Variants in HPS4 observed in about 807,000 individuals in gnomAD.
The protein encoded by HPS4 is HPS4 biogenesis of lysosomal organelles complex 3 subunit 2, also known as BLOC-3 complex member HPS4.
HPS4 carries 44 observed loss-of-function variants against 70.3 expected under a neutral mutation model. The ratio of observed to expected loss-of-function variants is 0.63; its 90% CI spans 0.49 to 0.80. The LOEUF (loss-of-function observed/expected upper bound fraction) is 0.80. Among genes scored for constraint, HPS4 ranks in the 30% least tolerant of loss-of-function variants. The probability of loss-of-function intolerance (pLI) is 0.00; values close to 1 mark genes in which losing one functional copy is unlikely to be tolerated. For synonymous variants in HPS4, 377 were observed against 355.9 expected (o/e 1.06, Z -0.67); for missense variants, 873 against 884.4 (o/e 0.99, Z 0.16).
At position 26,468,600 on chromosome 22, in the gene HPS4, G is replaced by A; in HGVS notation, c.620C>T (p.Pro207Leu). The A allele has an allele frequency of 6.2e-7, 1 of 1,614,130 alleles. No individual in the cohort carries two copies. The highest frequency in any genetic ancestry group is 1.1e-5 in the South Asian group (1 of 91,086). The change falls in exon 8 of 14, where the codon CCC becomes CTC. Residue 207 changes from proline (P) to leucine (L), a missense_variant. Pro to Leu is a moderately conservative substitution (Grantham distance 98). Transcript: ENST00000398145. ...KGLIVSTQLP[P>L]SLTAKVLLHR... ...AAGCAGGACCTTGGCGGTGAGGGAG[G>A]GCGGGAGTTGGGTGCTGACAATCCT...
At chr22:26,469,550 T>C (rs1348005253) in intron 7 of HPS4, among the ~76,000 whole-genome samples, 2 of 151,910 alleles carry the variant, frequency 1.3e-5, no homozygotes, top group East Asian at 1.9e-4. Flanking sequence ...AATGTATTCA[T>C]GTATTAGCCG....
At chr22:26,469,570 A>C (rs539727914) in intron 7 of HPS4, among the ~76,000 whole-genome samples, 1 of 152,050 alleles carries the variant, frequency 6.6e-6, no homozygotes, top group Non-Finnish European at 1.5e-5. Context: ...GTATAATGTA[A>C]ATACAGGCTG....
In HPS4 at chr22:26,464,503, T is replaced by C; in HGVS notation, c.1127A>G (p.Glu376Gly). Residue 376 changes from glutamate to glycine, a missense_variant, in exon 11 of 14, where the codon GAG (glutamate) becomes GGG (glycine). Physicochemically the swap from Glu to Gly is moderately conservative, Grantham distance 98. Transcript: ENST00000398145. The part of the protein sequence containing the change: ...ELDLSEIHIP[E>G]AQEVEMASGH... ...TGAGGCCATTTCCACTTCCTGAGCC[T>C]CTGGAATGTGGATTTCAGACAAGTC... 1 of 1,614,172 alleles carries C rather than the reference T, an allele frequency of 6.2e-7. No individual in the cohort carries two copies. The highest frequency in any genetic ancestry group is 8.5e-7 in the Non-Finnish European group (1 of 1,180,028).
At chr22:26,476,743 T>C (rs996556743) in intron 4 of HPS4, 13 of 480,682 alleles carry the variant, frequency 2.7e-5, no homozygotes, top group African/African-American at 2.3e-4. Flanking sequence ...TTTCCACAAG[T>C]TGGCCTAAGT....
Position 26,465,504 on chromosome 22 carries a change from T to A in HPS4, c.754A>T (p.Lys252Ter), listed in dbSNP as rs752176820. 2 of 1,614,038 alleles carry A rather than the reference T, an allele frequency of 1.2e-6. No individual in the cohort carries two copies. The highest frequency in any genetic ancestry group is 1.7e-5 in the Admixed American group (1 of 59,996). Residue 252 changes from lysine to a stop codon, truncating the protein, a stop_gained, in exon 10 of 14, where the codon AAA becomes TAA. Transcript: ENST00000398145. LOFTEE classifies it high-confidence loss of function. ...NVQIIPVFVTKEEAISLHEFP... is the reference protein window; with the variant it reads ...NVQIIPVFVT ...TCGTGGAGACTAATGGCTTCCTCTT[T>A]GGTCACAAAAACAGGGATAATCTGG...
At chr22:26,447,039 T>C (rs2084976712), downstream of HPS4, among the ~76,000 whole-genome samples, 1 of 152,186 alleles carries the variant, frequency 6.6e-6, no homozygotes, top group Admixed American at 6.5e-5. Context: ...AGCCACTGCT[T>C]TTAAACCTAT....
intron 9 of HPS4, 134 bp downstream of exon 9, chr22:26,466,092 A>T: frequency 6.3e-7 from 1 of 1,595,328 alleles, no homozygotes; most frequent in Non-Finnish European, 8.5e-7. Flanking sequence ...GAAGCTCCAT[A>T]ACATCCATTT....
rs116968692 is a variant in HPS4 at position 26,460,551 on chromosome 22, A to G, written c.1714-1974T>C. ...ATAAGAACAGAGAGTGAGCCATGCC[A>G]AAAACTGTTTCCCCACAGGCACGGA... On this transcript the variant is annotated intron_variant, in intron 11 of 13. Transcript: ENST00000398145. 8.6e-3 allele frequency among the ~76,000 whole-genome samples: 1,318 copies of G among 152,370 alleles called. 12 individuals are homozygous for G. Among genetic ancestry groups the G allele is most frequent in the South Asian group, 0.016 (76 of 4,832 alleles).
At chr22:26,459,754 G>A (rs977482046) in intron 11 of HPS4, among the ~76,000 whole-genome samples, 6 of 152,180 alleles carry the variant, frequency 3.9e-5, no homozygotes, top group Non-Finnish European at 7.3e-5. Flanking sequence ...GGAACAGTAC[G>A]GGACTATTGA....
At chr22:26,446,218 T>A (rs563715231), downstream of HPS4, among the ~76,000 whole-genome samples, 5 of 152,196 alleles carry the variant, frequency 3.3e-5, no homozygotes, top group African/African-American at 1.2e-4. Context: ...TCTGTTCCCA[T>A]GTACTCAAGG....
In HPS4 at chr22:26,465,473, G is replaced by T. The variant is rs1439814105; in HGVS notation, c.785C>A (p.Pro262Gln). The T allele has an allele frequency of 1.9e-6, 3 of 1,612,236 alleles. No homozygotes were observed. The South Asian group carries it at 3.3e-5, about 18-fold the overall frequency. ...KEEAISLHEF[P>Q]VEQMTRSLAS... The stretch of plus-strand genomic sequence containing the variant: ...CCATTACCTTGTCATCTGTTCCACC[G>T]GGAACTCGTGGAGACTAATGGCTTC... The change falls in exon 10 of 14, where the codon CCG becomes CAG. Residue 262 changes from proline to glutamine, a missense_variant. By Grantham distance (76) the Pro-to-Gln change is moderately conservative. Transcript: ENST00000398145.
At chr22:26,461,907 A>G (rs2087356800) in intron 11 of HPS4, among the ~76,000 whole-genome samples, 1 of 152,102 alleles carries the variant, frequency 6.6e-6, no homozygotes, top group Non-Finnish European at 1.5e-5. Flanking sequence ...CGGGCAGATT[A>G]CCTGAGGTCA....
At chr22:26,463,817 G>C in intron 11 of HPS4, 100 bp downstream of exon 11, 1 of 1,268,458 alleles carries the variant, frequency 7.9e-7, no homozygotes, top group Admixed American at 1.8e-5. Flanking sequence ...TGAGGGCTGA[G>C]CCTTTATCTC....
chr22:26,449,323 AT>A (rs35895945), downstream of HPS4, among the ~76,000 whole-genome samples: 5,931 of 83,342 alleles, frequency 0.071, 129 homozygotes, highest in African/African-American at 0.17. Context: ...ACTCCCCTGC[AT>A]TTTTTTTTTT....
downstream of HPS4, among the ~76,000 whole-genome samples, chr22:26,450,037 C>T (rs866086683): frequency 1.3e-5 from 2 of 152,212 alleles, no homozygotes; most frequent in Non-Finnish European, 2.9e-5. Flanking sequence ...CTTCACGTGG[C>T]CTTCTCCACG....
At chr22:26,481,207 C>G (rs2091254894) in intron 2 of HPS4, among the ~76,000 whole-genome samples, 1 of 152,158 alleles carries the variant, frequency 6.6e-6, no homozygotes. Flanking sequence ...GTCACTAAAT[C>G]CTGCTAATTC....
At chr22:26,479,446 G>C in intron 2 of HPS4, 91 bp from the exon 3 acceptor site, 1 of 1,549,866 alleles carries the variant, frequency 6.5e-7, no homozygotes, top group Non-Finnish European at 8.7e-7. Flanking sequence ...CCCGAGGAGG[G>C]CTTATTACTG....
At chr22:26,447,971 A>G (rs1006158090), downstream of HPS4, among the ~76,000 whole-genome samples, 1 of 152,214 alleles carries the variant, frequency 6.6e-6, no homozygotes, top group African/African-American at 2.4e-5. Flanking sequence ...CCCCTACCTC[A>G]TCCTTGTCAA....
At chr22:26,449,788 T>C (rs1313310412), downstream of HPS4, among the ~76,000 whole-genome samples, 1 of 152,188 alleles carries the variant, frequency 6.6e-6, no homozygotes, top group Non-Finnish European at 1.5e-5. Context: ...GAGGATGGAT[T>C]TGTTTCCTCT....
Sources: allele counts gnomAD v4.1 joint callset (sites outside exome capture counted in the v4.1 genomes callset), GRCh38; gene constraint gnomAD v4.1.1; transcripts MANE v1.5; gene names NCBI Gene and HGNC (gene_info 2026-07-23, HGNC 2026-07-21).